The following KALRN variants were observed in gnomAD, a reference collection of about 807,000 sequenced individuals.
KALRN encodes the protein kalirin RhoGEF kinase.
A neutral mutation model predicts 353.7 loss-of-function variants in KALRN; 70 were observed. That is an observed-to-expected ratio of 0.20 (90% CI 0.16 to 0.24). The LOEUF (loss-of-function observed/expected upper bound fraction) is 0.24, where lower values mean the gene tolerates loss of function less well. Among genes scored for constraint, KALRN ranks in the 10% least tolerant of loss-of-function variants. The pLI is 1.00. For missense variants in KALRN, 2,791 were observed against 3,756.7 expected, an observed-to-expected ratio of 0.74 and a Z score of 6.72; for synonymous variants, 1,391 against 1,434.8, an observed-to-expected ratio of 0.97 and a Z score of 0.69.
At chr3:124,490,634 C>T (rs2063058565) in intron 29 of KALRN, 60 bp from the exon 30 acceptor site, 2 of 1,510,842 alleles carry the variant, frequency 1.3e-6, no homozygotes, top group Non-Finnish European at 1.8e-6. Flanking sequence ...GGGGGTGGAA[C>T]ATGGCCCCCT....
chr3:124,182,232 A>G (rs1320047291), intron 1 of KALRN, among the ~76,000 whole-genome samples: 3 of 152,198 alleles, frequency 2.0e-5, no homozygotes, highest in Non-Finnish European at 4.4e-5. Context: ...AATAACACAC[A>G]TTTATTGTCT....
At chr3:124,647,099 G>T in intron 37 of KALRN, among the ~76,000 whole-genome samples, 1 of 151,722 alleles carries the variant, frequency 6.6e-6, no homozygotes. Flanking sequence ...AGAGATGGGG[G>T]TCTCACTATG....
chr3:124,337,188 T>A (rs1010400302), intron 9 of KALRN, among the ~76,000 whole-genome samples: 1 of 152,192 alleles, frequency 6.6e-6, no homozygotes. Context: ...GAACTTCCAA[T>A]ACTATGTTGA....
chr3:124,597,031 G>C (rs1978893), intron 34 of KALRN, among the ~76,000 whole-genome samples: 2 of 151,888 alleles, frequency 1.3e-5, no homozygotes, highest in African/African-American at 4.8e-5. Context: ...CTAGGTGACA[G>C]AGCAAGACTC....
intron 6 of KALRN, among the ~76,000 whole-genome samples, chr3:124,313,267 A>G (rs1030698891): frequency 6.6e-6 from 1 of 152,156 alleles, no homozygotes; most frequent in African/African-American, 2.4e-5. Context: ...AAGCCACTAA[A>G]AAGCAAACCC....
At chr3:124,619,653 A>C (rs2079057059) in intron 34 of KALRN, among the ~76,000 whole-genome samples, 2 of 151,758 alleles carry the variant, frequency 1.3e-5, no homozygotes, top group South Asian at 4.2e-4. Flanking sequence ...CACCCAGCTA[A>C]TTTTTGTATT....
rs1214800894 is a variant in KALRN, at chr3:124,724,908, G to T, written c.*5438G>T. ...TTTTCTGTGAGAAATGTGCCCCTTT[G>T]CTGTGAGATTCTAAAATGTGTTCAG... On this transcript the variant is annotated 3_prime_UTR_variant, in exon 60 of 60. Transcript: ENST00000682506. 1 of 152,168 alleles carries T rather than the reference G, an allele frequency of 6.6e-6. No individual in the cohort carries two copies. Among genetic ancestry groups the T allele is most frequent in the Non-Finnish European group, 1.5e-5 (1 of 68,020 alleles). The allele number at this position is 152,168 out of a possible 1,614,324, so 9.4% of individuals were successfully genotyped here.
intron 27 of KALRN, among the ~76,000 whole-genome samples, chr3:124,478,175 A>G (rs1281338518): frequency 6.6e-6 from 1 of 152,228 alleles, no homozygotes; most frequent in African/African-American, 2.4e-5. Context: ...AAGAAAATTT[A>G]GTGAGAGGCA....
intron 10 of KALRN, among the ~76,000 whole-genome samples, chr3:124,351,551 A>G (rs903278997): frequency 6.6e-6 from 1 of 152,190 alleles, no homozygotes; most frequent in Non-Finnish European, 1.5e-5. Context: ...GTCCTTCTGC[A>G]AGGAAAAGCA....
At chr3:124,138,395 T>C (rs920940710) in intron 1 of KALRN, among the ~76,000 whole-genome samples, 5 of 152,224 alleles carry the variant, frequency 3.3e-5, no homozygotes, top group Non-Finnish European at 5.9e-5. Flanking sequence ...CCAGTATTTA[T>C]ACCAAAGAGG....
chr3:124,380,445 G>A (rs541993159), intron 10 of KALRN, among the ~76,000 whole-genome samples: 1 of 152,244 alleles, frequency 6.6e-6, no homozygotes, highest in African/African-American at 2.4e-5. Flanking sequence ...GTAGCCATCA[G>A]TGTGGCCCAT....
At chr3:124,711,945 A>G (rs1185593051) in intron 57 of KALRN, among the ~76,000 whole-genome samples, 1 of 152,234 alleles carries the variant, frequency 6.6e-6, no homozygotes, top group Non-Finnish European at 1.5e-5. Context: ...TAACAAACAT[A>G]AAATAAAATG....
chr3:124,684,288 C>T (rs1381290682), intron 51 of KALRN, among the ~76,000 whole-genome samples: 1 of 152,148 alleles, frequency 6.6e-6, no homozygotes, highest in East Asian at 1.9e-4. Context: ...TACCCCATCT[C>T]CAGGTTGATT....
chr3:124,034,012 G>C (rs1396349685), intron 1 of KALRN, among the ~76,000 whole-genome samples, 199 bp downstream of exon 1: 1 of 151,724 alleles, frequency 6.6e-6, no homozygotes, highest in Non-Finnish European at 1.5e-5. Flanking sequence ...CGTGGGGGCT[G>C]GGAACTCCGC....
intron 1 of KALRN, among the ~76,000 whole-genome samples, chr3:124,169,793 G>C (rs903073959): frequency 1.3e-5 from 2 of 152,116 alleles, no homozygotes; most frequent in Admixed American, 1.3e-4. Context: ...AAGAGAGAGG[G>C]GACAGTTCTC....
At chr3:124,089,592 A>G (rs912208044) in intron 1 of KALRN, among the ~76,000 whole-genome samples, 7 of 151,818 alleles carry the variant, frequency 4.6e-5, no homozygotes, top group African/African-American at 1.2e-4. Context: ...TCTGGATTGC[A>G]GAGGCCTCAT....
intron 1 of KALRN, among the ~76,000 whole-genome samples, chr3:124,168,664 A>G (rs898230877): frequency 6.6e-6 from 1 of 152,202 alleles, no homozygotes; most frequent in Non-Finnish European, 1.5e-5. Context: ...CTCTTGGTCA[A>G]CTTTCCGTCT....
intron 34 of KALRN, among the ~76,000 whole-genome samples, chr3:124,565,860 G>T (rs2072744654): frequency 6.6e-6 from 1 of 152,160 alleles, no homozygotes; most frequent in Non-Finnish European, 1.5e-5. Context: ...AAGCATTCAG[G>T]GTAAGAATTG....
At chr3:124,259,831 C>T (rs575416469) in intron 3 of KALRN, among the ~76,000 whole-genome samples, 4 of 152,174 alleles carry the variant, frequency 2.6e-5, no homozygotes, top group South Asian at 2.1e-4. Context: ...TAAAGAGTGC[C>T]GGGTGACAGT....
Sources: gnomAD v4.1 joint callset for allele counts (sites outside exome capture counted in the v4.1 genomes callset) on GRCh38, gnomAD v4.1.1 for gene constraint, MANE v1.5 for transcripts, NCBI Gene and HGNC (gene_info 2026-07-23, HGNC 2026-07-21) for gene names.